Variants in SMARCC1 observed in about 807,000 individuals in gnomAD.
SMARCC1 encodes SWI/SNF related BAF chromatin remodeling complex subunit C1, also known as SWI/SNF complex subunit SMARCC1.
Under a neutral mutation model 147.4 loss-of-function variants are expected in SMARCC1, and 43 were observed. That is an observed-to-expected ratio of 0.29 (90% CI 0.23 to 0.38). The LOEUF (loss-of-function observed/expected upper bound fraction) is 0.38, where lower values mean the gene tolerates loss of function less well. SMARCC1 is among the 10% of genes least tolerant of loss of function. The pLI, the probability that SMARCC1 is intolerant of heterozygous loss-of-function variation, is 1.00. For synonymous variants in SMARCC1, 495 were observed against 484.4 expected (o/e 1.02, Z -0.29); for missense variants, 1,119 against 1,381.1 (o/e 0.81, Z 3.01).
chr3:47,684,964 C>T (rs2033702322), intron 14 of SMARCC1, among the ~76,000 whole-genome samples: 1 of 152,112 alleles, frequency 6.6e-6, no homozygotes, highest in Admixed American at 6.5e-5. Context: ...ATTTATTATA[C>T]ACAATTTCAT....
At chr3:47,716,296 T>C (rs2034154517) in intron 7 of SMARCC1, among the ~76,000 whole-genome samples, 1 of 150,710 alleles carries the variant, frequency 6.6e-6, no homozygotes, top group South Asian at 2.1e-4. Context: ...TGTGCACCTG[T>C]AATCTCAGCT....
intron 2 of SMARCC1, among the ~76,000 whole-genome samples, chr3:47,752,318 TAG>T: frequency 6.6e-6 from 1 of 152,282 alleles, no homozygotes; most frequent in Middle Eastern, 3.4e-3. Flanking sequence ...AGAAACTTCT[TAG>T]AGACATTCAC....
intron 2 of SMARCC1, among the ~76,000 whole-genome samples, chr3:47,755,128 T>A (rs1404906696): frequency 6.6e-6 from 1 of 151,982 alleles, no homozygotes. Flanking sequence ...GGAAAACTGG[T>A]TGAAACCAGA....
At position 47,587,656 on chromosome 3, in the gene SMARCC1, G is replaced by C. The variant is rs2108220867; in HGVS notation, c.*553C>G. Reference sequence around the variant, plus strand: ...GCAAAAGTCTCAAACTTTACCATCAGCACCATTCTTAGCTCAGAAAAGCAG... The same window carrying C: ...GCAAAAGTCTCAAACTTTACCATCACCACCATTCTTAGCTCAGAAAAGCAG... On this transcript the variant is annotated 3_prime_UTR_variant, in exon 28 of 28. Transcript: ENST00000254480. The C allele has an allele frequency of 1.3e-5, 2 of 152,858 alleles. No homozygotes were observed. The highest frequency in any genetic ancestry group is 4.1e-4 in the South Asian group (2 of 4,836). 9.5% of individuals were successfully genotyped at this position (152,858 alleles called of 1,614,324 possible).
intron 2 of SMARCC1, among the ~76,000 whole-genome samples, chr3:47,769,009 A>T (rs2106871957): frequency 6.6e-6 from 1 of 152,070 alleles, no homozygotes; most frequent in South Asian, 2.1e-4. Flanking sequence ...CAGGAGTTCA[A>T]GACCAGGAGT....
chr3:47,776,171 CAA>C (rs987526361), intron 1 of SMARCC1, among the ~76,000 whole-genome samples: 1 of 151,806 alleles, frequency 6.6e-6, no homozygotes, highest in African/African-American at 2.4e-5. Flanking sequence ...AAAAATACTT[CAA>C]GTGTATCTTA....
intron 26 of SMARCC1, among the ~76,000 whole-genome samples, chr3:47,603,025 C>T (rs547665741): frequency 5.0e-4 from 76 of 152,332 alleles, no homozygotes; most frequent in African/African-American, 1.8e-3. Flanking sequence ...GAGCTTACCA[C>T]TGTAATTATA....
rs1300887119 is a variant in SMARCC1, at chr3:47,586,389, G to A, written c.*1820C>T. ...GTCAAAAGGCACTGGGGTCTTTCTG[G>A]AGCCAAATGCATTGGAACTAAGCTC... On this transcript the variant is annotated 3_prime_UTR_variant, in exon 28 of 28. Transcript: ENST00000254480. 1 of 152,214 alleles carries A rather than the reference G, an allele frequency of 6.6e-6. No homozygotes were observed. The highest frequency in any genetic ancestry group is 1.5e-5 in the Non-Finnish European group (1 of 68,014). The allele number at this position is 152,214 out of a possible 1,614,324, so 9.4% of individuals were successfully genotyped here. A position where few individuals can be genotyped will look rare whatever the true frequency, so the allele number is the denominator to read the frequency against.
At chr3:47,634,531 T>C (rs1326627191) in intron 24 of SMARCC1, among the ~76,000 whole-genome samples, 1 of 152,130 alleles carries the variant, frequency 6.6e-6, no homozygotes, top group African/African-American at 2.4e-5. Flanking sequence ...TGGTATCCTA[T>C]AATGGAAGGA....
intron 8 of SMARCC1, among the ~76,000 whole-genome samples, chr3:47,713,479 A>C (rs954358005): frequency 4.6e-5 from 7 of 152,046 alleles, no homozygotes; most frequent in Non-Finnish European, 8.8e-5. Context: ...GGCTGGAGTG[A>C]AGTGGTTGCA....
chr3:47,718,340 G>C (rs2034185725), intron 7 of SMARCC1, among the ~76,000 whole-genome samples: 1 of 151,730 alleles, frequency 6.6e-6, no homozygotes, highest in Non-Finnish European at 1.5e-5. Context: ...AGCTACTCAG[G>C]AGGCTAAGGC....
intron 21 of SMARCC1, among the ~76,000 whole-genome samples, chr3:47,640,898 G>A (rs183893028): frequency 6.6e-6 from 1 of 152,128 alleles, no homozygotes; most frequent in East Asian, 1.9e-4. Flanking sequence ...ACTAGACAGA[G>A]TAATATCAAG....
intron 2 of SMARCC1, among the ~76,000 whole-genome samples, chr3:47,767,710 A>T (rs1291964673): frequency 6.6e-6 from 1 of 151,340 alleles, no homozygotes; most frequent in African/African-American, 2.4e-5. Flanking sequence ...TATACTAAAA[A>T]TACAAAAATT....
At chr3:47,632,049 G>A (rs113603909) in intron 24 of SMARCC1, among the ~76,000 whole-genome samples, 1,537 of 152,328 alleles carry the variant, frequency 0.01, 12 homozygotes, top group Middle Eastern at 0.037. Flanking sequence ...AGAAGGAAGA[G>A]TGACTGATGA....
chr3:47,743,232 C>T, intron 3 of SMARCC1, among the ~76,000 whole-genome samples: 1 of 152,158 alleles, frequency 6.6e-6, no homozygotes, highest in East Asian at 1.9e-4. Flanking sequence ...CTAAAATATG[C>T]ACTCACTTCA....
intron 11 of SMARCC1, among the ~76,000 whole-genome samples, chr3:47,698,610 CA>C (rs975678885): frequency 3.3e-5 from 5 of 151,104 alleles, no homozygotes; most frequent in South Asian, 2.1e-4. Flanking sequence ...CTGTCAGTAA[CA>C]AAAAAAATGA....
At chr3:47,669,445 G>A (rs1354657568) in intron 19 of SMARCC1, among the ~76,000 whole-genome samples, 2 of 152,142 alleles carry the variant, frequency 1.3e-5, no homozygotes, top group Non-Finnish European at 2.9e-5. Context: ...CACAAGTACT[G>A]AAAACACGGT....
chr3:47,726,052 ACT>A (rs1374215470), intron 6 of SMARCC1, among the ~76,000 whole-genome samples: 1 of 145,846 alleles, frequency 6.9e-6, no homozygotes, highest in Admixed American at 7.0e-5. Flanking sequence ...GAAGAGTGAG[ACT>A]CTGTCTCAAA....
chr3:47,635,088 T>C (rs2106701977), intron 24 of SMARCC1, 102 bp downstream of exon 24: 2 of 1,005,452 alleles, frequency 2.0e-6, no homozygotes, highest in Non-Finnish European at 3.0e-6. Flanking sequence ...TCATCTCCTA[T>C]TGGGAGCAAA....
Sources: gnomAD v4.1 joint callset for allele counts (sites outside exome capture counted in the v4.1 genomes callset) on GRCh38, gnomAD v4.1.1 for gene constraint, MANE v1.5 for transcripts, NCBI Gene and HGNC (gene_info 2026-07-23, HGNC 2026-07-21) for gene names.